Variants in CPEB1 observed in about 807,000 individuals in gnomAD.
The protein encoded by CPEB1 is cytoplasmic polyadenylation element-binding protein 1.
CPEB1 carries 7 observed loss-of-function variants against 65.8 expected under a neutral mutation model. The ratio of observed to expected loss-of-function variants is 0.11; its 90% CI spans 0.06 to 0.20. CPEB1 has a LOEUF of 0.20. Among genes scored for constraint, CPEB1 ranks in the 10% least tolerant of loss-of-function variants. The pLI, the probability that CPEB1 is intolerant of heterozygous loss-of-function variation, is 1.00. For missense variants in CPEB1, 551 were observed against 712.2 expected (o/e 0.77, Z 2.58); for synonymous variants, 262 against 260.0 (o/e 1.01, Z -0.08).
chr15:82,594,750 A>G (rs1179974974), intron 3 of CPEB1, among the ~76,000 whole-genome samples: 1 of 152,180 alleles, frequency 6.6e-6, no homozygotes, highest in Non-Finnish European at 1.5e-5. Context: ...TTTTTGATGT[A>G]AACTGAGACA....
At chr15:82,574,774 G>A (rs2040476739) in intron 3 of CPEB1, among the ~76,000 whole-genome samples, 2 of 145,064 alleles carry the variant, frequency 1.4e-5, no homozygotes, top group South Asian at 2.2e-4. Context: ...TTCATGTACT[G>A]GAAGACTCAA....
chr15:82,647,748 C>T (rs1367018151), upstream of CPEB1: 4 of 1,033,044 alleles, frequency 3.9e-6, no homozygotes, highest in Admixed American at 9.0e-5. Flanking sequence ...CTCGCCCGCA[C>T]GGGGCGGGGG....
At chr15:82,570,068 T>C (rs1196542750) in intron 4 of CPEB1, among the ~76,000 whole-genome samples, 1 of 152,140 alleles carries the variant, frequency 6.6e-6, no homozygotes, top group Non-Finnish European at 1.5e-5. Context: ...AAACCCTATC[T>C]TAACCCAGAG....
At chr15:82,643,835 C>A (rs587707393) in intron 1 of CPEB1, among the ~76,000 whole-genome samples, 1 of 151,950 alleles carries the variant, frequency 6.6e-6, no homozygotes, top group Non-Finnish European at 1.5e-5. Context: ...TTTTTTTTAA[C>A]CTTTATTAAT....
intron 3 of CPEB1, among the ~76,000 whole-genome samples, chr15:82,588,362 C>T (rs1326182664): frequency 1.2e-4 from 18 of 152,136 alleles, no homozygotes; most frequent in Non-Finnish European, 2.9e-5. Flanking sequence ...TTCCCTACCC[C>T]AGAGATACCT....
chr15:82,579,369 C>T (rs1335278078), intron 3 of CPEB1, among the ~76,000 whole-genome samples: 1 of 151,994 alleles, frequency 6.6e-6, no homozygotes, highest in Non-Finnish European at 1.5e-5. Flanking sequence ...GTTGAGGCTA[C>T]GATGAACCAT....
chr15:82,613,379 G>A (rs115330390), intron 3 of CPEB1, among the ~76,000 whole-genome samples: 3 of 151,966 alleles, frequency 2.0e-5, no homozygotes, highest in African/African-American at 7.3e-5. Context: ...TTTCTTGGGG[G>A]TTTTTTTGTT....
chr15:82,579,918 C>CAAAAAAAAAAAAAA (rs59925251), intron 3 of CPEB1, among the ~76,000 whole-genome samples: 7 of 32,676 alleles, frequency 2.1e-4, no homozygotes, highest in Admixed American at 8.8e-4. Flanking sequence ...GACTCCGTCT[C>CAAAAAAAAAAAAAA]AAAAAAAAAA....
At chr15:82,573,072 G>A in intron 3 of CPEB1, 1 of 1,535,600 alleles carries the variant, frequency 6.5e-7, no homozygotes, top group Non-Finnish European at 8.7e-7. Context: ...GGAGAAGCAA[G>A]CAGATACGGG....
Position 82,549,610 on chromosome 15 carries a change from G to C in CPEB1, c.1330C>G (p.Pro444Ala), listed in dbSNP as rs776300873. 9.9e-6 allele frequency: 16 copies of C among 1,614,028 alleles called. No homozygotes were observed. Among genetic ancestry groups the C allele is most frequent in the African/African-American group, 1.3e-5 (1 of 74,892 alleles). The change falls in exon 10 of 13, where the codon CCA becomes GCA. Residue 444 changes from proline to alanine, a missense_variant. Around this residue, in one of 6 missense-constraint regions of CPEB1, gnomAD observed 99 missense variants for 161.3 expected, o/e 0.61. Coordinates refer to ENST00000684509, the MANE Select transcript of CPEB1 (RefSeq NM_001365242.1). ...CTGCTGGGGTCAAGCCTCTGAGATG[G>C]GCTCCGGACAAAGTTACTGTCGGCT... ...VLADSNFVRSPSQRLDPSRTV... is the reference protein window; with the variant it reads ...VLADSNFVRSASQRLDPSRTV...
intron 1 of CPEB1, among the ~76,000 whole-genome samples, chr15:82,634,303 T>C (rs560387910): frequency 2.0e-5 from 3 of 152,296 alleles, no homozygotes; most frequent in African/African-American, 7.2e-5. Context: ...TTTATTTGTA[T>C]AGAAGAAATG....
intron 1 of CPEB1, among the ~76,000 whole-genome samples, chr15:82,643,115 T>C: frequency 6.6e-6 from 1 of 152,008 alleles, no homozygotes; most frequent in East Asian, 1.9e-4. Context: ...CCCAGCACAC[T>C]CCACACCCCC....
At chr15:82,631,482 T>G (rs947833199) in intron 1 of CPEB1, among the ~76,000 whole-genome samples, 1 of 152,140 alleles carries the variant, frequency 6.6e-6, no homozygotes, top group East Asian at 1.9e-4. Flanking sequence ...CTCTCCTTTG[T>G]GTACAATAGG....
chr15:82,572,279 T>A (rs1596045624), intron 3 of CPEB1, among the ~76,000 whole-genome samples: 1 of 152,300 alleles, frequency 6.6e-6, no homozygotes, highest in East Asian at 1.9e-4. Context: ...TGTTTACCAC[T>A]GAGGAACAAG....
intron 3 of CPEB1, among the ~76,000 whole-genome samples, chr15:82,589,746 G>C (rs2042071256): frequency 6.6e-6 from 1 of 151,924 alleles, no homozygotes. Flanking sequence ...TTGTATTACA[G>C]TCGGCACTCC....
At chr15:82,551,107 C>CA (rs1338925036) in intron 9 of CPEB1, among the ~76,000 whole-genome samples, 1 of 152,100 alleles carries the variant, frequency 6.6e-6, no homozygotes, top group Non-Finnish European at 1.5e-5. Context: ...AATAAAGAAG[C>CA]AGAGAAGGTA....
chr15:82,569,368 C>T (rs1174106851), intron 4 of CPEB1, among the ~76,000 whole-genome samples: 1 of 152,198 alleles, frequency 6.6e-6, no homozygotes, highest in Non-Finnish European at 1.5e-5. Context: ...GGAAAACATA[C>T]CCACACTAAC....
At chr15:82,545,854 C>T (rs931218971) in intron 12 of CPEB1, among the ~76,000 whole-genome samples, 2 of 152,148 alleles carry the variant, frequency 1.3e-5, no homozygotes, top group Admixed American at 1.3e-4. Context: ...TGCTGCTGAC[C>T]ACACCCAGCC....
intron 3 of CPEB1, among the ~76,000 whole-genome samples, chr15:82,607,160 G>A (rs1021171854): frequency 4.8e-5 from 5 of 104,252 alleles, no homozygotes; most frequent in African/African-American, 1.3e-4. Flanking sequence ...AATGGCAGGT[G>A]TATATCTTAT....
Sources: gnomAD v4.1 joint callset for allele counts (sites outside exome capture counted in the v4.1 genomes callset) on GRCh38, gnomAD v4.1.1 for gene constraint, gnomAD v4.1.1 regional missense constraint, MANE v1.5 for transcripts, NCBI Gene and HGNC (gene_info 2026-07-23, HGNC 2026-07-21) for gene names.